PARP4: variants seen among roughly 807,000 people sequenced by gnomAD.
PARP4 encodes the protein poly(ADP-ribose) polymerase family member 4.
In PARP4, 120 loss-of-function variants were observed where a neutral mutation model predicts 187.7. That is an observed-to-expected ratio of 0.64 (90% CI 0.55 to 0.74). The LOEUF (loss-of-function observed/expected upper bound fraction) is 0.74. PARP4 is among the 30% of genes least tolerant of loss of function. PARP4 has a pLI of 0.00. For missense variants in PARP4, 1,836 were observed against 2,070.5 expected (o/e 0.89, Z 2.20); for synonymous variants, 654 against 740.9 (o/e 0.88, Z 1.90).
At chr13:24,468,499 G>A (rs975521756) in intron 17 of PARP4, among the ~76,000 whole-genome samples, 2 of 149,152 alleles carry the variant, frequency 1.3e-5, no homozygotes, top group Admixed American at 6.8e-5. Context: ...CTGCCCCCCA[G>A]GTTCAAGCGA....
chr13:24,494,957 C>T (rs1566018528), intron 6 of PARP4, among the ~76,000 whole-genome samples: 4 of 151,898 alleles, frequency 2.6e-5, no homozygotes, highest in Admixed American at 2.0e-4. Flanking sequence ...CTGCAACCTC[C>T]ACCTCCTGGG....
In PARP4 at chr13:24,494,536, T is replaced by C. The variant is rs376367815; in HGVS notation, c.741+37A>G. On this transcript the variant is annotated intron_variant, in intron 7 of 33. Coordinates refer to ENST00000381989, the MANE Select transcript of PARP4 (RefSeq NM_006437.4). ...AGAGAAAACATTTCTATTAAAAATA[T>C]TCAATCAACAACAAAAAAATTATAA... 276 of 1,554,856 alleles carry C rather than the reference T, an allele frequency of 1.8e-4. 1 individual carries two copies. The highest frequency in any genetic ancestry group is 4.7e-4 in the Admixed American group (26 of 55,436).
Position 24,493,668 on chromosome 13 carries a change from C to A in PARP4, c.807G>T (p.Met269Ile). Residue 269 changes from methionine (M) to isoleucine (I), a missense_variant, in exon 8 of 34, where the codon ATG becomes ATT. Physicochemically the swap from Met to Ile is conservative, Grantham distance 10. This residue lies in a region of PARP4 where 1,147 missense variants were observed against 1,214.2 expected (regional missense o/e 0.94). Transcript: ENST00000381989. ...LSQEVSDLVEMIWAEALGHLE... is the reference protein window; with the variant it reads ...LSQEVSDLVEIIWAEALGHLE... ...GGTGGCCCAGGGCCTCTGCCCAAAT[C>A]ATCTCTACTAAATCGCTCACCTCTT... The A allele has an allele frequency of 6.2e-7, 1 of 1,614,094 alleles. No homozygotes were observed. Among genetic ancestry groups the A allele is most frequent in the Non-Finnish European group, 8.5e-7 (1 of 1,179,980 alleles).
At chr13:24,489,172 G>A (rs1200000203) in intron 10 of PARP4, among the ~76,000 whole-genome samples, 1 of 152,104 alleles carries the variant, frequency 6.6e-6, no homozygotes, top group East Asian at 1.9e-4. Context: ...AACTAGGAGT[G>A]GAATTGCTGG....
intron 33 of PARP4, among the ~76,000 whole-genome samples, chr13:24,425,170 G>A (rs191561744): frequency 9.3e-4 from 141 of 152,144 alleles, no homozygotes; most frequent in South Asian, 2.7e-3. Flanking sequence ...GCGTGGTGGT[G>A]CACACCTGTA....
In PARP4 at chr13:24,454,999, G is replaced by A. The variant is rs1370528825; in HGVS notation, c.2758+18C>T. Reference sequence around the variant, plus strand: ...TGTAGGGGAAGCACACGCAGGACCAGGGCCAAAGCGCACTCACCTGTGCCG... The same window carrying A: ...TGTAGGGGAAGCACACGCAGGACCAAGGCCAAAGCGCACTCACCTGTGCCG... On this transcript the variant is annotated intron_variant, in intron 22 of 33. Coordinates refer to ENST00000381989, the MANE Select transcript of PARP4 (RefSeq NM_006437.4). The A allele has an allele frequency of 6.4e-7, 1 of 1,553,472 alleles. No individual in the cohort carries two copies. Among genetic ancestry groups the A allele is most frequent in the Non-Finnish European group, 8.8e-7 (1 of 1,137,806 alleles).
In PARP4 at chr13:24,460,456, ACGGGTGGGCTCTGCTG is replaced by A. The variant is rs1566001721; in HGVS notation, c.2134-336_2134-321del. On this transcript the variant is annotated intron_variant, in intron 17 of 33. Coordinates refer to ENST00000381989, the MANE Select transcript of PARP4 (RefSeq NM_006437.4). Reference sequence around the variant, plus strand: ...TCTCTGCACACGTGGGCTCTGCTGCACGGGTGGGCTCTGCTGCACGGGTGGGCTCTGCTGCATGGGT... The same window carrying A: ...TCTCTGCACACGTGGGCTCTGCTGCACACGGGTGGGCTCTGCTGCATGGGT... 1.2e-4 allele frequency among the ~76,000 whole-genome samples: 15 copies of A among 124,638 alleles called. No individual in the cohort carries two copies. In the East Asian group the frequency reaches 2.9e-3, roughly 24 times the overall value. The allele number at this position is 124,638 out of a possible 152,430, so 81.8% of individuals were successfully genotyped here.
chr13:24,460,204 C>A (rs748443323), intron 17 of PARP4, 68 bp from the exon 18 acceptor site: 22 of 1,335,576 alleles, frequency 1.6e-5, no homozygotes, highest in Non-Finnish European at 2.3e-5. Flanking sequence ...GCTAACTCCA[C>A]GTACTTCTTA....
rs1870944874 is a variant in PARP4 at position 24,441,883 on chromosome 13, C to T, written c.3629G>A (p.Ser1210Asn). The T allele has an allele frequency of 6.2e-7, 1 of 1,606,314 alleles. No homozygotes were observed. Among genetic ancestry groups the T allele is most frequent in the Non-Finnish European group, 8.5e-7 (1 of 1,176,614 alleles). The change falls in exon 30 of 34, where the codon AGC becomes AAC. Residue 1210 changes from serine to asparagine, a missense_variant. Physicochemically the swap from Ser to Asn is conservative, Grantham distance 46. Transcript: ENST00000381989. ...KEDVDFLPYM[S>N]WQGEPQEAVR... is the part of the protein sequence containing the mutation. ...GGCTTCTTGGGGCTCCCCCTGCCAG[C>T]TCATGTAGGGCAGGAAGTCTACATC...
chr13:24,445,511 AGG>A (rs1219609399), intron 27 of PARP4, among the ~76,000 whole-genome samples: 1 of 152,106 alleles, frequency 6.6e-6, no homozygotes, highest in African/African-American at 2.4e-5. Context: ...CCCCACCTAA[AGG>A]GGTTCAGGGA....
chr13:24,498,307 T>C lies in PARP4; in HGVS notation c.478-78A>G, dbSNP rs12428985. Reference sequence around the variant, plus strand: ...ATGTGCCATTTGAAAATGTTGATTATAATTATAAAATATGTTCATTTAGAG... The same window carrying C: ...ATGTGCCATTTGAAAATGTTGATTACAATTATAAAATATGTTCATTTAGAG... On this transcript the variant is annotated intron_variant, in intron 5 of 33. Transcript: ENST00000381989. The C allele has an allele frequency of 0.01, 8,194 of 799,420 alleles. 828 individuals carry two copies. In the Admixed American group the frequency reaches 0.16, roughly 16 times the overall value. 49.5% of individuals were successfully genotyped at this position (799,420 alleles called of 1,614,324 possible). A position where few individuals can be genotyped will look rare whatever the true frequency, so the allele number is the denominator to read the frequency against.
At chr13:24,424,750 C>T (rs1276147442) in intron 33 of PARP4, among the ~76,000 whole-genome samples, 1 of 148,594 alleles carries the variant, frequency 6.7e-6, no homozygotes, top group Non-Finnish European at 1.5e-5. Flanking sequence ...TGACTCACTG[C>T]AAGCTCTGCC....
At chr13:24,428,133 C>T (rs1474521211) in intron 32 of PARP4, among the ~76,000 whole-genome samples, 1 of 152,140 alleles carries the variant, frequency 6.6e-6, no homozygotes, top group African/African-American at 2.4e-5. Context: ...GAAAAGCACA[C>T]GCTTACAGAA....
intron 2 of PARP4, among the ~76,000 whole-genome samples, chr13:24,503,137 T>A (rs999711120): frequency 6.6e-6 from 1 of 152,210 alleles, no homozygotes; most frequent in Non-Finnish European, 1.5e-5. Flanking sequence ...GCTTACAAGT[T>A]CAAGAGGCAG....
chr13:24,502,636 T>A (rs1869364767), intron 2 of PARP4, among the ~76,000 whole-genome samples: 1 of 152,230 alleles, frequency 6.6e-6, no homozygotes, highest in Admixed American at 6.5e-5. Context: ...ATTTCACATG[T>A]TTATGTACAT....
At chr13:24,482,842 T>C (rs1376145193) in intron 12 of PARP4, among the ~76,000 whole-genome samples, 2 of 152,148 alleles carry the variant, frequency 1.3e-5, no homozygotes, top group African/African-American at 4.8e-5. Context: ...CTAATAACTT[T>C]TCATCCACTA....
At chr13:24,448,294 G>A (rs1272145032) in intron 25 of PARP4, among the ~76,000 whole-genome samples, 6 of 152,132 alleles carry the variant, frequency 3.9e-5, no homozygotes, top group Non-Finnish European at 7.3e-5. Context: ...TGTAGTCCCA[G>A]CTACTCTGGA....
chr13:24,499,477 A>G, intron 4 of PARP4, 101 bp from the exon 5 acceptor site: 1 of 896,768 alleles, frequency 1.1e-6, no homozygotes, highest in Non-Finnish European at 1.6e-6. Flanking sequence ...AAAATACATG[A>G]TAGATTCCTT....
intron 1 of PARP4, among the ~76,000 whole-genome samples, chr13:24,508,406 C>T (rs1391828526): frequency 6.6e-6 from 1 of 151,962 alleles, no homozygotes; most frequent in Non-Finnish European, 1.5e-5. Context: ...TTGAAAAATA[C>T]AGAATTGTAT....
Sources: gnomAD v4.1 joint callset for allele counts (sites outside exome capture counted in the v4.1 genomes callset) on GRCh38, gnomAD v4.1.1 for gene constraint, gnomAD v4.1.1 regional missense constraint, MANE v1.5 for transcripts, NCBI Gene and HGNC (gene_info 2026-07-23, HGNC 2026-07-21) for gene names.